Variants in PALLD observed in about 807,000 individuals in gnomAD.
The protein encoded by PALLD is palladin, cytoskeletal associated protein, also known as palladin.
In PALLD, 61 loss-of-function variants were observed where a neutral mutation model predicts 123.5. The observed-to-expected ratio is 0.49, with a 90% CI of 0.40 to 0.61. The LOEUF (loss-of-function observed/expected upper bound fraction) is 0.61. PALLD is among the 20% of genes least tolerant of loss of function. The pLI, the probability that PALLD is intolerant of heterozygous loss-of-function variation, is 0.00. For synonymous variants in PALLD, 465 were observed against 496.4 expected (o/e 0.94, Z 0.84); for missense variants, 1,273 against 1,377.0 (o/e 0.92, Z 1.20).
At chr4:168,639,787 G>A (rs144161365) in intron 2 of PALLD, among the ~76,000 whole-genome samples, 3,031 of 152,076 alleles carry the variant, frequency 0.02, 42 homozygotes, top group Non-Finnish European at 0.033. Flanking sequence ...CTCGTGATCC[G>A]CCCGCCTCGG....
intron 10 of PALLD, among the ~76,000 whole-genome samples, chr4:168,725,355 A>G (rs1036468816): frequency 3.9e-5 from 6 of 152,056 alleles, no homozygotes; most frequent in East Asian, 1.9e-4. Context: ...AAAGACCACA[A>G]ATATTTTCTT....
chr4:168,725,522 C>CTTTTTT (rs1210834634), intron 10 of PALLD, among the ~76,000 whole-genome samples: 71 of 91,632 alleles, frequency 7.7e-4, no homozygotes, highest in Non-Finnish European at 1.0e-3. Flanking sequence ...TCTTTAATTT[C>CTTTTTT]TTTTTTTTTT....
At chr4:168,671,417 G>A (rs1315499990) in intron 3 of PALLD, among the ~76,000 whole-genome samples, 1 of 152,182 alleles carries the variant, frequency 6.6e-6, no homozygotes, top group Non-Finnish European at 1.5e-5. Flanking sequence ...CCAGTGCCCA[G>A]CTTTCCATGT....
chr4:168,754,715 T>G (rs536163016), intron 10 of PALLD, among the ~76,000 whole-genome samples: 1 of 152,236 alleles, frequency 6.6e-6, no homozygotes, highest in South Asian at 2.1e-4. Context: ...TGGCTCCAAG[T>G]CCTTAAACAT....
At chr4:168,611,474 T>C (rs1329725094) in intron 2 of PALLD, among the ~76,000 whole-genome samples, 1 of 152,184 alleles carries the variant, frequency 6.6e-6, no homozygotes, top group African/African-American at 2.4e-5. Context: ...TCCTCTCTTC[T>C]TCTTGTTAAC....
At chr4:168,906,089 A>C (rs905212997) in intron 15 of PALLD, among the ~76,000 whole-genome samples, 7 of 152,154 alleles carry the variant, frequency 4.6e-5, no homozygotes, top group Non-Finnish European at 8.8e-5. Flanking sequence ...AAAATGGTGG[A>C]GAACTGACAA....
chr4:168,758,479 C>T (rs1221865030), intron 10 of PALLD, among the ~76,000 whole-genome samples: 3 of 152,146 alleles, frequency 2.0e-5, no homozygotes. Context: ...GTGTGTGTTC[C>T]CCACGTTGCA....
At chr4:168,853,758 G>A (rs113055509) in intron 10 of PALLD, among the ~76,000 whole-genome samples, 2,476 of 152,270 alleles carry the variant, frequency 0.016, 44 homozygotes, top group African/African-American at 0.04. Flanking sequence ...AAGAGCAAGC[G>A]AAAGTCACTG....
chr4:168,790,233 C>A (rs1049696793), intron 10 of PALLD, among the ~76,000 whole-genome samples: 1 of 151,218 alleles, frequency 6.6e-6, no homozygotes, highest in Admixed American at 6.6e-5. Context: ...GTAATCTCAG[C>A]TCACTGCAAC....
At chr4:168,653,318 T>C (rs550340468) in intron 2 of PALLD, among the ~76,000 whole-genome samples, 1 of 152,230 alleles carries the variant, frequency 6.6e-6, no homozygotes, top group Non-Finnish European at 1.5e-5. Flanking sequence ...GAGACTATGA[T>C]CATTCTTGCC....
intron 2 of PALLD, among the ~76,000 whole-genome samples, chr4:168,657,816 T>C (rs1778730482): frequency 6.6e-6 from 1 of 152,140 alleles, no homozygotes; most frequent in African/African-American, 2.4e-5. Context: ...CCCATTTGCA[T>C]AATAAGATTA....
chr4:168,655,613 G>A (rs977384972), intron 2 of PALLD, among the ~76,000 whole-genome samples: 7 of 152,180 alleles, frequency 4.6e-5, no homozygotes, highest in Non-Finnish European at 7.3e-5. Context: ...ATAAAGAAGC[G>A]AAGCCTTTTG....
At chr4:168,622,450 G>C (rs1774855429) in intron 2 of PALLD, among the ~76,000 whole-genome samples, 1 of 152,156 alleles carries the variant, frequency 6.6e-6, no homozygotes, top group Admixed American at 6.5e-5. Context: ...AGGACAACCT[G>C]GGGATTTCTG....
chr4:168,725,726 C>T (rs996335844), intron 10 of PALLD, among the ~76,000 whole-genome samples: 1 of 151,920 alleles, frequency 6.6e-6, no homozygotes, highest in Non-Finnish European at 1.5e-5. Context: ...CGGGGTTTCA[C>T]CATGTTGGCC....
At chr4:168,539,025 T>C (rs929546828) in intron 2 of PALLD, among the ~76,000 whole-genome samples, 2 of 152,184 alleles carry the variant, frequency 1.3e-5, no homozygotes, top group Non-Finnish European at 2.9e-5. Flanking sequence ...TTTAGATAAA[T>C]GTATAGTGTG....
At chr4:168,789,702 CAA>C (rs58941945) in intron 10 of PALLD, among the ~76,000 whole-genome samples, 19 of 83,232 alleles carry the variant, frequency 2.3e-4, no homozygotes, top group Admixed American at 2.8e-4. Context: ...GACTCCGTCT[CAA>C]AAAAAAAAAA....
intron 10 of PALLD, among the ~76,000 whole-genome samples, chr4:168,768,822 A>G (rs1284530414): frequency 6.6e-6 from 1 of 150,508 alleles, no homozygotes; most frequent in African/African-American, 2.5e-5. Flanking sequence ...ACAGGCACAC[A>G]CCACCATGCC....
At chr4:168,721,671 A>G (rs11132431) in intron 10 of PALLD, among the ~76,000 whole-genome samples, 24,785 of 152,114 alleles carry the variant, frequency 0.16, 2,543 homozygotes, top group East Asian at 0.36. Flanking sequence ...TTTCTCTTCC[A>G]TCCTCCTTCC....
At chr4:168,794,506 G>GCACACACACACACACACACA (rs57496563) in intron 10 of PALLD, among the ~76,000 whole-genome samples, 1 of 143,854 alleles carries the variant, frequency 7.0e-6, no homozygotes, top group African/African-American at 2.6e-5. Flanking sequence ...ACACACACAC[G>GCACACACACACACACACACA]CACACACACA....
Sources: allele counts gnomAD v4.1 joint callset (sites outside exome capture counted in the v4.1 genomes callset), GRCh38; gene constraint gnomAD v4.1.1; transcripts MANE v1.5; gene names NCBI Gene and HGNC (gene_info 2026-07-23, HGNC 2026-07-21).